PTPRD: variants seen among roughly 807,000 people sequenced by gnomAD.
The protein encoded by PTPRD is protein tyrosine phosphatase receptor type D, also known as receptor-type tyrosine-protein phosphatase delta.
A neutral mutation model predicts 214.5 loss-of-function variants in PTPRD; 34 were observed. The observed-to-expected ratio is 0.16, with a 90% CI of 0.12 to 0.21. The LOEUF is 0.21. PTPRD is among the 10% of genes least tolerant of loss of function. The pLI, the probability that PTPRD is intolerant of heterozygous loss-of-function variation, is 1.00. For missense variants in PTPRD, 2,545 were observed against 2,398.7 expected, an observed-to-expected ratio of 1.06 and a Z score of -1.27; for synonymous variants, 1,128 against 845.7, an observed-to-expected ratio of 1.33 and a Z score of -5.79.
chr9:8,890,532 G>T (rs967595335), intron 11 of PTPRD, among the ~76,000 whole-genome samples: 1 of 152,182 alleles, frequency 6.6e-6, no homozygotes, highest in African/African-American at 2.4e-5. Flanking sequence ...AATCAATGTG[G>T]TTAGAAAAAG....
At chr9:8,811,236 C>T (rs1328748086) in intron 11 of PTPRD, among the ~76,000 whole-genome samples, 3 of 152,120 alleles carry the variant, frequency 2.0e-5, no homozygotes, top group Non-Finnish European at 4.4e-5. Flanking sequence ...GAGAACCCTT[C>T]CCGACAACTT....
intron 5 of PTPRD, among the ~76,000 whole-genome samples, chr9:9,917,460 A>G (rs201138993): frequency 0.18 from 27,231 of 147,988 alleles, 2,598 homozygotes; most frequent in African/African-American, 0.24. Flanking sequence ...CCTAAAAAAA[A>G]AAAAAAAAAA....
At chr9:8,936,513 G>A (rs951615221) in intron 11 of PTPRD, among the ~76,000 whole-genome samples, 2 of 145,604 alleles carry the variant, frequency 1.4e-5, no homozygotes, top group Non-Finnish European at 1.5e-5. Context: ...AAAGACAAGC[G>A]ATTTAGTGTT....
intron 43 of PTPRD, among the ~76,000 whole-genome samples, chr9:8,332,249 G>T (rs1330624128): frequency 6.6e-6 from 1 of 152,064 alleles, no homozygotes; most frequent in Non-Finnish European, 1.5e-5. Flanking sequence ...CTGTGCTTGC[G>T]TATTTCTACC....
intron 7 of PTPRD, among the ~76,000 whole-genome samples, chr9:9,612,783 T>C (rs1204844062): frequency 1.3e-5 from 2 of 152,104 alleles, no homozygotes; most frequent in Non-Finnish European, 2.9e-5. Context: ...TTGATTCATG[T>C]TGATATAAGA....
chr9:9,550,196 A>T (rs1195243337), intron 8 of PTPRD, among the ~76,000 whole-genome samples: 1 of 151,886 alleles, frequency 6.6e-6, no homozygotes, highest in Non-Finnish European at 1.5e-5. Context: ...CTACTGTAGC[A>T]TAGAAATTCT....
chr9:10,531,172 A>T (rs1237950085), intron 2 of PTPRD, among the ~76,000 whole-genome samples: 1 of 151,252 alleles, frequency 6.6e-6, no homozygotes, highest in Non-Finnish European at 1.5e-5. Flanking sequence ...CTGGTCTTAA[A>T]CTCCTGACCT....
At chr9:8,594,605 T>G (rs567067732) in intron 14 of PTPRD, among the ~76,000 whole-genome samples, 1 of 152,216 alleles carries the variant, frequency 6.6e-6, no homozygotes, top group East Asian at 1.9e-4. Flanking sequence ...CCCCATGCTA[T>G]TCTCATGATA....
chr9:8,373,854 G>GTCTGTC (rs1554816341), intron 39 of PTPRD, among the ~76,000 whole-genome samples: 1 of 129,158 alleles, frequency 7.7e-6, no homozygotes, highest in African/African-American at 2.9e-5. Flanking sequence ...GTATGTGTAT[G>GTCTGTC]TGTCTGTCTG....
At chr9:9,097,661 C>T (rs141430948) in intron 10 of PTPRD, among the ~76,000 whole-genome samples, 1,629 of 152,034 alleles carry the variant, frequency 0.011, 15 homozygotes, top group Middle Eastern at 0.02. Flanking sequence ...CTGCCCGCCT[C>T]GGCCTCCCAA....
rs189946484 is a variant in PTPRD, at chr9:9,833,555, T to C, written c.-367-66704A>G. Among the ~76,000 whole-genome samples the C allele has an allele frequency of 1.0e-3, 157 of 150,402 alleles. 2 individuals carry two copies. The East Asian group carries it at 0.018, about 18-fold the overall frequency. Reference sequence around the variant, plus strand: ...CTTATCAGGAGACAGGGTTTTGAGATCAACCGGTCTGACCAAAATTTATTA... The same window carrying C: ...CTTATCAGGAGACAGGGTTTTGAGACCAACCGGTCTGACCAAAATTTATTA... On this transcript the variant is annotated intron_variant, in intron 5 of 45. Coordinates refer to ENST00000381196, the MANE Select transcript of PTPRD (RefSeq NM_002839.4).
chr9:8,692,048 G>C (rs893369823), intron 12 of PTPRD, among the ~76,000 whole-genome samples: 1 of 152,042 alleles, frequency 6.6e-6, no homozygotes, highest in African/African-American at 2.4e-5. Flanking sequence ...GACTCTGATG[G>C]TCTCTAAAAT....
intron 10 of PTPRD, among the ~76,000 whole-genome samples, chr9:9,037,658 G>C (rs951974673): frequency 2.0e-5 from 3 of 152,154 alleles, no homozygotes; most frequent in African/African-American, 7.2e-5. Flanking sequence ...GATTCTCTTT[G>C]TCTTTCCCTT....
chr9:9,701,212 G>A (rs1374285668), intron 7 of PTPRD, among the ~76,000 whole-genome samples: 1 of 152,058 alleles, frequency 6.6e-6, no homozygotes, highest in Admixed American at 6.6e-5. Flanking sequence ...GCCATTTTGG[G>A]AGGTAACACT....
intron 2 of PTPRD, among the ~76,000 whole-genome samples, chr9:10,426,240 G>C (rs550579121): frequency 5.3e-5 from 8 of 152,008 alleles, no homozygotes; most frequent in African/African-American, 1.4e-4. Flanking sequence ...CTTTGTTAAT[G>C]GGTGCCAAAT....
In PTPRD at chr9:8,471,023, T is replaced by C; in HGVS notation, c.3476A>G (p.Glu1159Gly). 6.2e-7 allele frequency: 1 copy of C among 1,613,364 alleles called. No homozygotes were observed. Among genetic ancestry groups the C allele is most frequent in the Non-Finnish European group, 8.5e-7 (1 of 1,179,440 alleles). The change falls in exon 31 of 46, where the codon GAG (glutamate) becomes GGG (glycine). Residue 1159 changes from glutamate to glycine, a missense_variant. Physicochemically the swap from Glu to Gly is moderately conservative, Grantham distance 98. Coordinates refer to ENST00000381196, the MANE Select transcript of PTPRD (RefSeq NM_002839.4). ...KSRGKFIKPW[E>G]SPDEMELDEL... Reference sequence around the variant, plus strand: ...ATCTAATTCCATTTCATCTGGACTCTCCCATGGCTTGATAAATTTCCCGCG... The same window carrying C: ...ATCTAATTCCATTTCATCTGGACTCCCCCATGGCTTGATAAATTTCCCGCG...
intron 10 of PTPRD, among the ~76,000 whole-genome samples, chr9:9,072,592 T>C (rs1354855512): frequency 6.6e-6 from 1 of 152,208 alleles, no homozygotes; most frequent in African/African-American, 2.4e-5. Context: ...TATTTCTTCA[T>C]CTACAGAGCA....
chr9:9,925,072 A>T (rs1319569913), intron 5 of PTPRD, among the ~76,000 whole-genome samples: 2 of 152,142 alleles, frequency 1.3e-5, no homozygotes, highest in Admixed American at 1.3e-4. Flanking sequence ...TACAGTGTTT[A>T]TATTATAACT....
intron 3 of PTPRD, among the ~76,000 whole-genome samples, chr9:10,053,092 T>A (rs1456645609): frequency 6.6e-6 from 1 of 152,150 alleles, no homozygotes; most frequent in Non-Finnish European, 1.5e-5. Flanking sequence ...AAGGCAAATG[T>A]TTTGCCCTTG....
Sources: allele counts gnomAD v4.1 joint callset (sites outside exome capture counted in the v4.1 genomes callset), GRCh38; gene constraint gnomAD v4.1.1; transcripts MANE v1.5; gene names NCBI Gene and HGNC (gene_info 2026-07-23, HGNC 2026-07-21).